The following RNF17 variants were observed in gnomAD, a reference collection of about 807,000 sequenced individuals.
RNF17 encodes the protein ring finger protein 17.
RNF17 carries 31 observed loss-of-function variants against 200.5 expected under a neutral mutation model. The observed-to-expected ratio is 0.15, with a 90% confidence interval of 0.12 to 0.21. RNF17 has a LOEUF of 0.21. Among genes scored for constraint, RNF17 ranks in the 10% least tolerant of loss-of-function variants. RNF17 has a pLI of 1.00. For synonymous variants in RNF17, 606 were observed against 637.8 expected (o/e 0.95, Z 0.75); for missense variants, 1,628 against 1,905.1 (o/e 0.85, Z 2.71).
chr13:24,885,253 T>C, the RNF17 span: 9 of 1,437,518 alleles, frequency 6.3e-6, no homozygotes, highest in African/African-American at 1.1e-4. Flanking sequence ...ATAGAATTCA[T>C]TATTTCAAAA....
chr13:24,848,674 TAAAA>T (rs1486207076), intron 22 of RNF17, among the ~76,000 whole-genome samples: 2 of 151,832 alleles, frequency 1.3e-5, no homozygotes, highest in African/African-American at 2.4e-5. Context: ...AAAAAATAAA[TAAAA>T]AAATCACATT....
intron 2 of RNF17, among the ~76,000 whole-genome samples, chr13:24,774,377 T>G (rs967762501): frequency 3.9e-5 from 6 of 152,140 alleles, no homozygotes; most frequent in African/African-American, 1.4e-4. Flanking sequence ...GCCTGGCTAA[T>G]TTTTGTATTT....
At chr13:24,796,607 G>T (rs545000090) in intron 11 of RNF17, among the ~76,000 whole-genome samples, 1 of 152,232 alleles carries the variant, frequency 6.6e-6, no homozygotes, top group East Asian at 1.9e-4. Flanking sequence ...GAAGAACTGT[G>T]CCTGTAAGAT....
chr13:24,752,327 C>T, the RNF17 span, among the ~76,000 whole-genome samples: 1 of 152,262 alleles, frequency 6.6e-6, no homozygotes, highest in Non-Finnish European at 1.5e-5. Flanking sequence ...AAACGTACAG[C>T]AGCCCTGTCC....
rs776112688 is a variant in RNF17, at chr13:24,870,689, G to A, written c.4397G>A (p.Arg1466Lys). The A allele has an allele frequency of 3.1e-6, 5 of 1,614,178 alleles. No individual in the cohort carries two copies. The South Asian group carries it at 5.5e-5, about 18-fold the overall frequency. The change falls in exon 32 of 36, where the codon AGG (arginine) becomes AAG (lysine). Residue 1466 changes from arginine to lysine, a missense_variant. This residue lies in a region of RNF17 where 609 missense variants were observed against 681.9 expected (regional missense o/e 0.89). Coordinates refer to ENST00000255324, the MANE Select transcript of RNF17 (RefSeq NM_031277.3). The part of the protein sequence containing the change: ...ESESLDEALQ[R>K]VNKKVEALPP... Reference sequence around the variant, plus strand: ...GAGAGCCTTGATGAAGCACTGCAGAGGGTTAATAAGAAGGTAGAGGCGCTT... The same window carrying A: ...GAGAGCCTTGATGAAGCACTGCAGAAGGTTAATAAGAAGGTAGAGGCGCTT...
rs1182799028 is a variant in RNF17 at position 24,868,656 on chromosome 13, T to C, written c.4218T>C (p.Ser1406=). ...TPLLPPYLSS[S]LPSPGELYAV... is the part of the protein sequence containing the mutation. ...TTTTACCACCATATTTGTCTTCATC[T>C]CTGCCTTCCCCAGGAGAACTCTATG... Residue 1406 remains serine (S), a synonymous_variant, in exon 31 of 36, where the codon TCT becomes TCC. Transcript: ENST00000255324. 6.2e-7 allele frequency: 1 copy of C among 1,611,530 alleles called. No individual in the cohort carries two copies. Among genetic ancestry groups the C allele is most frequent in the Admixed American group, 1.7e-5 (1 of 60,024 alleles).
intron 31 of RNF17, 129 bp from the exon 32 acceptor site, chr13:24,870,442 T>A (rs1894134415): frequency 1.5e-6 from 1 of 661,838 alleles, no homozygotes. Context: ...GAATAGGAGG[T>A]GAATATCAGG....
intron 5 of RNF17, among the ~76,000 whole-genome samples, chr13:24,781,192 A>G (rs975914238): frequency 1.2e-4 from 19 of 152,042 alleles, no homozygotes; most frequent in African/African-American, 4.6e-4. Context: ...TATGGTTTCT[A>G]CGGTTTTTTT....
At chr13:24,784,142 C>A (rs1170055951) in intron 6 of RNF17, among the ~76,000 whole-genome samples, 1 of 152,010 alleles carries the variant, frequency 6.6e-6, no homozygotes, top group Admixed American at 6.5e-5. Flanking sequence ...TTGCTTTTTT[C>A]TTTTAATGTG....
chr13:24,876,018 A>G (rs1894819627), intron 33 of RNF17, among the ~76,000 whole-genome samples: 1 of 152,182 alleles, frequency 6.6e-6, no homozygotes, highest in Non-Finnish European at 1.5e-5. Context: ...TCCACTTTAC[A>G]GTTCTGATTT....
chr13:24,852,420 G>A lies in RNF17; in HGVS notation c.3320+849G>A, dbSNP rs528730632. 2.6e-5 allele frequency among the ~76,000 whole-genome samples: 4 copies of A among 152,270 alleles called. No individual in the cohort carries two copies. The East Asian group carries it at 7.7e-4, about 29-fold the overall frequency. On this transcript the variant is annotated intron_variant, in intron 24 of 35. Transcript: ENST00000255324. ...CCCAAAGTGCTGGGATTACAGGTGT[G>A]AGCCACCACGCTCGGCCTCTTTTCT...
chr13:24,782,614 G>GGA (rs1555265925), intron 6 of RNF17, among the ~76,000 whole-genome samples: 2 of 150,202 alleles, frequency 1.3e-5, no homozygotes, highest in Admixed American at 6.7e-5. Context: ...ATGGGGGGGG[G>GGA]ATCTTTGAGC....
the RNF17 span, among the ~76,000 whole-genome samples, chr13:24,753,665 T>C: frequency 1.3e-5 from 2 of 152,196 alleles, no homozygotes; most frequent in Non-Finnish European, 2.9e-5. Flanking sequence ...CAAAAGGTTG[T>C]GGATTGTGTT....
At chr13:24,868,432 T>C (rs930003469) in intron 30 of RNF17, among the ~76,000 whole-genome samples, 168 bp from the exon 31 acceptor site, 1 of 114,054 alleles carries the variant, frequency 8.8e-6, no homozygotes, top group Non-Finnish European at 1.7e-5. Flanking sequence ...ATCCCGCCAC[T>C]GCACTCCAGC....
At chr13:24,809,798 A>G (rs1401532830) in intron 15 of RNF17, among the ~76,000 whole-genome samples, 1 of 151,630 alleles carries the variant, frequency 6.6e-6, no homozygotes, top group Non-Finnish European at 1.5e-5. Flanking sequence ...ATTTCCCTCT[A>G]CACACTGCTT....
intron 25 of RNF17, among the ~76,000 whole-genome samples, chr13:24,854,931 G>C (rs570677921): frequency 6.6e-6 from 1 of 152,286 alleles, no homozygotes; most frequent in African/African-American, 2.4e-5. Flanking sequence ...AAGCAGACTT[G>C]TGTTGCCCCA....
At chr13:24,865,073 T>G in intron 29 of RNF17, 75 bp downstream of exon 29, 3 of 1,107,160 alleles carry the variant, frequency 2.7e-6, no homozygotes, top group Non-Finnish European at 3.9e-6. Context: ...TGTCTTACAC[T>G]GTGTCTTAAA....
At chr13:24,808,437 T>G (rs942018207) in intron 15 of RNF17, among the ~76,000 whole-genome samples, 6 of 136,244 alleles carry the variant, frequency 4.4e-5, no homozygotes, top group Non-Finnish European at 7.9e-5. Flanking sequence ...ATGATTTGGC[T>G]CTCTGTTTGT....
the RNF17 span, among the ~76,000 whole-genome samples, chr13:24,754,167 T>TAA: frequency 9.5e-5 from 14 of 146,708 alleles, no homozygotes; most frequent in Middle Eastern, 3.4e-3. Flanking sequence ...AAAATAAAAT[T>TAA]AAAAAAAAAA....
Sources: allele counts gnomAD v4.1 joint callset (sites outside exome capture counted in the v4.1 genomes callset), GRCh38; gene constraint gnomAD v4.1.1; regional missense constraint gnomAD v4.1.1; transcripts MANE v1.5; gene names NCBI Gene and HGNC (gene_info 2026-07-23, HGNC 2026-07-21).